RIMS2: variants seen among roughly 807,000 people sequenced by gnomAD.
RIMS2 encodes the protein regulating synaptic membrane exocytosis protein 2.
Under a neutral mutation model 174.4 loss-of-function variants are expected in RIMS2, and 59 were observed. That is an observed-to-expected ratio of 0.34 (90% confidence interval 0.27 to 0.42). RIMS2 has a LOEUF of 0.42. Ranked by LOEUF, RIMS2 falls within the 10% of genes least tolerant of loss-of-function variation. The pLI is 1.00. For missense variants in RIMS2, 1,620 were observed against 1,666.3 expected, an observed-to-expected ratio of 0.97 and a Z score of 0.48; for synonymous variants, 606 against 572.5, an observed-to-expected ratio of 1.06 and a Z score of -0.84.
chr8:103,885,289 G>C lies in RIMS2; in HGVS notation c.699-9G>C. On this transcript the variant is annotated splice_polypyrimidine_tract_variant and intron_variant, in intron 3 of 23. Transcript: ENST00000504942. ...CTCTTCTCATTGTTCTTTTCCTTTG[G>C]TTACTTAGGAAAAGAAGCCCATCTG... is the stretch of plus-strand genomic sequence containing the variant. The C allele has an allele frequency of 6.4e-7, 1 of 1,550,870 alleles. No homozygotes were observed. The highest frequency in any genetic ancestry group is 2.3e-5 in the East Asian group (1 of 43,662).
intron 19 of RIMS2, among the ~76,000 whole-genome samples, chr8:104,061,230 A>T (rs2096981560): frequency 6.6e-6 from 1 of 152,142 alleles, no homozygotes; most frequent in Non-Finnish European, 1.5e-5. Context: ...GTCACTCAGG[A>T]CTTGCTTTAT....
intron 1 of RIMS2, among the ~76,000 whole-genome samples, chr8:103,693,502 GT>G (rs1326924777): frequency 1.3e-5 from 2 of 152,094 alleles, no homozygotes; most frequent in African/African-American, 4.8e-5. Flanking sequence ...TTTTGGTAGT[GT>G]TATATCTCCT....
At chr8:103,546,673 A>C (rs908730156) in intron 1 of RIMS2, among the ~76,000 whole-genome samples, 1 of 152,138 alleles carries the variant, frequency 6.6e-6, no homozygotes, top group African/African-American at 2.4e-5. Context: ...CCTAAATCAT[A>C]CTCAGCAGTC....
intron 20 of RIMS2, 32 bp from the exon 27 acceptor site, chr8:104,248,669 G>A (rs762421118): frequency 3.5e-6 from 4 of 1,131,980 alleles, no homozygotes; most frequent in East Asian, 2.3e-5. Flanking sequence ...TAGGGGTTGG[G>A]GATTTAATCT....
intron 4 of RIMS2, 108 bp downstream of exon 7, chr8:103,886,331 TTAA>T (rs1230911675): frequency 1.1e-6 from 1 of 923,420 alleles, no homozygotes; most frequent in African/African-American, 1.7e-5. Flanking sequence ...TAGCTTTATT[TTAA>T]AAGTCTTTTA....
At chr8:104,087,776 A>G (rs2097562621) in intron 19 of RIMS2, among the ~76,000 whole-genome samples, 1 of 152,162 alleles carries the variant, frequency 6.6e-6, no homozygotes, top group African/African-American at 2.4e-5. Context: ...ATCAGGCCTG[A>G]GGACCAACAA....
chr8:103,629,930 G>T (rs2095871371), intron 1 of RIMS2, among the ~76,000 whole-genome samples: 1 of 151,940 alleles, frequency 6.6e-6, no homozygotes, highest in South Asian at 2.1e-4. Flanking sequence ...GGGAGAGGGG[G>T]AGTAAAATAC....
intron 1 of RIMS2, among the ~76,000 whole-genome samples, chr8:103,528,678 G>A (rs1563652835): frequency 1.3e-5 from 2 of 152,108 alleles, no homozygotes; most frequent in African/African-American, 4.8e-5. Context: ...TTTTTGTCAG[G>A]TTTGTCAAAG....
chr8:103,501,125 T>A, intron 1 of RIMS2, 63 bp downstream of exon 1: 1 of 1,266,684 alleles, frequency 7.9e-7, no homozygotes, highest in Non-Finnish European at 1.1e-6. Flanking sequence ...CCCACTGCCC[T>A]GCGGCCGCCT....
intron 14 of RIMS2, among the ~76,000 whole-genome samples, chr8:103,951,527 A>G (rs928833598): frequency 1.3e-5 from 2 of 152,162 alleles, no homozygotes; most frequent in Non-Finnish European, 1.5e-5. Context: ...TCCCTTTCCC[A>G]GCCAAGGGAA....
intron 3 of RIMS2, among the ~76,000 whole-genome samples, chr8:103,775,244 G>A (rs1265210798): frequency 2.0e-5 from 3 of 152,036 alleles, no homozygotes; most frequent in African/African-American, 7.2e-5. Context: ...TCTGAGCTAT[G>A]TGGTAAGAAA....
chr8:103,862,609 A>G (rs1370116262), intron 3 of RIMS2, among the ~76,000 whole-genome samples: 2 of 151,930 alleles, frequency 1.3e-5, no homozygotes, highest in South Asian at 4.2e-4. Flanking sequence ...TGAGCATGGG[A>G]TATTTTCCAT....
At chr8:103,840,335 A>G (rs189489544) in intron 3 of RIMS2, among the ~76,000 whole-genome samples, 1 of 152,062 alleles carries the variant, frequency 6.6e-6, no homozygotes, top group African/African-American at 2.4e-5. Flanking sequence ...GGTTTCTTAT[A>G]TGTATTTCTA....
chr8:103,710,468 C>T (rs1383510776), intron 2 of RIMS2, among the ~76,000 whole-genome samples: 3 of 151,892 alleles, frequency 2.0e-5, no homozygotes, highest in African/African-American at 7.3e-5. Context: ...TCAGATTATA[C>T]CCTCTTAATA....
chr8:103,975,794 C>T, intron 16 of RIMS2: 1 of 227,742 alleles, frequency 4.4e-6, no homozygotes, highest in South Asian at 1.4e-4. Flanking sequence ...ACCAGCAAGC[C>T]ACTGGTGCAA....
At chr8:104,074,265 C>T (rs2097250484) in intron 19 of RIMS2, among the ~76,000 whole-genome samples, 2 of 152,094 alleles carry the variant, frequency 1.3e-5, no homozygotes, top group Admixed American at 1.3e-4. Flanking sequence ...AGGGCACAGC[C>T]TGGGGTCAAG....
At chr8:104,147,951 T>C (rs1384574837) in intron 19 of RIMS2, among the ~76,000 whole-genome samples, 1 of 152,262 alleles carries the variant, frequency 6.6e-6, no homozygotes, top group Non-Finnish European at 1.5e-5. Context: ...ATGATTTTTC[T>C]TTCTTTCAAA....
intron 2 of RIMS2, among the ~76,000 whole-genome samples, chr8:103,760,533 GA>G (rs1348995178): frequency 9.9e-5 from 15 of 152,204 alleles, no homozygotes; most frequent in Non-Finnish European, 2.2e-4. Flanking sequence ...AGCTACCCTT[GA>G]ATTCTGCCTT....
intron 16 of RIMS2, among the ~76,000 whole-genome samples, chr8:103,985,820 C>T (rs1426996708): frequency 6.6e-6 from 1 of 152,064 alleles, no homozygotes; most frequent in Non-Finnish European, 1.5e-5. Context: ...TTTCTGACAA[C>T]ATAGTTGAAC....
Sources: allele counts gnomAD v4.1 joint callset (sites outside exome capture counted in the v4.1 genomes callset), GRCh38; gene constraint gnomAD v4.1.1; transcripts MANE v1.5; gene names NCBI Gene and HGNC (gene_info 2026-07-23, HGNC 2026-07-21).